Variants in FARP1 observed in about 807,000 individuals in gnomAD.
The protein encoded by FARP1 is FERM, ARHGEF and pleckstrin domain-containing protein 1.
FARP1 carries 52 observed loss-of-function variants against 128.8 expected under a neutral mutation model. The observed-to-expected ratio is 0.40, with a 90% CI of 0.32 to 0.51. The LOEUF (loss-of-function observed/expected upper bound fraction) is 0.51, where lower values mean the gene tolerates loss of function less well. FARP1 is among the 20% of genes least tolerant of loss of function. The probability of loss-of-function intolerance (pLI) is 0.45; values close to 1 mark genes in which losing one functional copy is unlikely to be tolerated. For synonymous variants in FARP1, 580 were observed against 551.8 expected, an observed-to-expected ratio of 1.05 and a Z score of -0.72; for missense variants, 1,333 against 1,367.9, an observed-to-expected ratio of 0.97 and a Z score of 0.40.
At chr13:98,363,471 G>T (rs1888957287) in intron 3 of FARP1, among the ~76,000 whole-genome samples, 1 of 152,194 alleles carries the variant, frequency 6.6e-6, no homozygotes. Flanking sequence ...AGAGCTAGCA[G>T]GGCCCAGCTG....
intron 2 of FARP1, among the ~76,000 whole-genome samples, chr13:98,337,153 G>T (rs1454396543): frequency 6.6e-6 from 1 of 152,106 alleles, no homozygotes; most frequent in African/African-American, 2.4e-5. Context: ...GATCACCTGA[G>T]CTCAGGAGTT....
At position 98,440,130 on chromosome 13, in the gene FARP1, T is replaced by C; in HGVS notation, c.2524T>C (p.Ser842Pro). 6.2e-7 allele frequency: 1 copy of C among 1,613,288 alleles called. No homozygotes were observed. Among genetic ancestry groups the C allele is most frequent in the Non-Finnish European group, 8.5e-7 (1 of 1,179,320 alleles). The change falls in exon 23 of 27, where the codon TCC becomes CCC. Residue 842 changes from serine (S) to proline (P), a missense_variant. Physicochemically the swap from Ser to Pro is moderately conservative, Grantham distance 74. Around this residue, in one of 2 missense-constraint regions of FARP1, gnomAD observed 1,009 missense variants for 969.8 expected, o/e 1.04. Transcript: ENST00000319562. Reference sequence around the variant, plus strand: ...ACGCGTCTCTGTCTCCAGTTCTCGGTCCGAGATGGAGAAGTGGGTTGAGGA... The same window carrying C: ...ACGCGTCTCTGTCTCCAGTTCTCGGCCCGAGATGGAGAAGTGGGTTGAGGA... The part of the protein sequence containing the change: ...QSIIVAASSR[S>P]EMEKWVEDIQ...
rs537577612 is a variant in FARP1 at position 98,267,651 on chromosome 13, A to C, written c.171+54238A>C. 2.6e-5 allele frequency among the ~76,000 whole-genome samples: 4 copies of C among 152,334 alleles called. No individual in the cohort carries two copies. In the East Asian group the frequency reaches 5.8e-4, roughly 22 times the overall value. On this transcript the variant is annotated intron_variant, in intron 2 of 26. Coordinates refer to ENST00000319562, the MANE Select transcript of FARP1 (RefSeq NM_005766.4). ...TGTGCCTCACAGTTCAGAAGCCTTC[A>C]GGCAAGGTCAACAGAAACACGACGG...
intron 1 of FARP1, among the ~76,000 whole-genome samples, chr13:98,187,723 G>A (rs1878970167): frequency 6.6e-6 from 1 of 152,168 alleles, no homozygotes; most frequent in Non-Finnish European, 1.5e-5. Flanking sequence ...TTACCATATG[G>A]AGCTGGAGAC....
At chr13:98,152,207 C>G (rs1876062832) in intron 1 of FARP1, among the ~76,000 whole-genome samples, 1 of 152,158 alleles carries the variant, frequency 6.6e-6, no homozygotes, top group Admixed American at 6.5e-5. Flanking sequence ...GATTTTTGCA[C>G]TTGGGCTTGT....
At chr13:98,244,417 G>A in intron 2 of FARP1, 2 of 1,359,828 alleles carry the variant, frequency 1.5e-6, no homozygotes, top group Non-Finnish European at 2.0e-6. Flanking sequence ...TCTCTTTATT[G>A]TTACTGTTTT....
intron 8 of FARP1, among the ~76,000 whole-genome samples, chr13:98,386,194 T>C (rs649986): frequency 7.1e-5 from 7 of 98,958 alleles, no homozygotes; most frequent in Admixed American, 2.9e-4. Flanking sequence ...ATCCTTTTTT[T>C]TTTTTTTTTT....
chr13:98,343,151 A>G (rs9513400), intron 2 of FARP1, among the ~76,000 whole-genome samples: 25,178 of 152,216 alleles, frequency 0.17, 2,567 homozygotes, highest in Non-Finnish European at 0.24. Context: ...GGGAAAGGCA[A>G]ACTATAGAGA....
At chr13:98,157,415 C>T (rs1876570042) in intron 1 of FARP1, among the ~76,000 whole-genome samples, 1 of 152,074 alleles carries the variant, frequency 6.6e-6, no homozygotes, top group Admixed American at 6.5e-5. Context: ...CCCGGCCTTC[C>T]ACCAAGTCCT....
At chr13:98,205,568 T>C (rs1880219646) in intron 1 of FARP1, among the ~76,000 whole-genome samples, 1 of 152,170 alleles carries the variant, frequency 6.6e-6, no homozygotes, top group Non-Finnish European at 1.5e-5. Context: ...AATTTTTTTG[T>C]ATTTTTAGTA....
At chr13:98,283,130 T>C (rs995514792) in intron 2 of FARP1, among the ~76,000 whole-genome samples, 3 of 152,194 alleles carry the variant, frequency 2.0e-5, no homozygotes, top group Admixed American at 6.5e-5. Flanking sequence ...TTAAAGAGGA[T>C]CATTTTGACT....
At chr13:98,199,394 C>T (rs565275078) in intron 1 of FARP1, among the ~76,000 whole-genome samples, 1 of 152,148 alleles carries the variant, frequency 6.6e-6, no homozygotes, top group Non-Finnish European at 1.5e-5. Flanking sequence ...AAAGACAAAA[C>T]GATATTGTGC....
intron 1 of FARP1, among the ~76,000 whole-genome samples, chr13:98,207,908 C>CCACACACACACACA (rs71111934): frequency 0.014 from 1,010 of 71,582 alleles, 125 homozygotes; most frequent in East Asian, 0.04. Flanking sequence ...ACCACCACCT[C>CCACACACACACACA]CACACACACA....
intron 1 of FARP1, among the ~76,000 whole-genome samples, chr13:98,207,941 C>T (rs1165674232): frequency 1.3e-5 from 2 of 148,372 alleles, no homozygotes; most frequent in Non-Finnish European, 3.0e-5. Context: ...CACACACACA[C>T]ACACACACAC....
Position 98,343,880 on chromosome 13 carries a change from A to T in FARP1, c.276+14A>T. ...AAAAAGATCACGGTAGGTGATGTCA[A>T]CTTAATGTTACTATTTTACTGTCTG... On this transcript the variant is annotated intron_variant, in intron 3 of 26. Coordinates refer to ENST00000319562, the MANE Select transcript of FARP1 (RefSeq NM_005766.4). The T allele has an allele frequency of 6.7e-7, 1 of 1,502,258 alleles. No homozygotes were observed. The highest frequency in any genetic ancestry group is 1.7e-5 in the Admixed American group (1 of 59,868). The allele number at this position is 1,502,258 out of a possible 1,614,324, so 93.1% of individuals were successfully genotyped here. A position where few individuals can be genotyped will look rare whatever the true frequency, so the allele number is the denominator to read the frequency against.
intron 17 of FARP1, among the ~76,000 whole-genome samples, chr13:98,428,290 A>G (rs1891863760): frequency 6.6e-6 from 1 of 152,184 alleles, no homozygotes. Context: ...CAATGCAAAG[A>G]AAGGGCCTTT....
At position 98,260,034 on chromosome 13, in the gene FARP1, C is replaced by A. The variant is rs539146826; in HGVS notation, c.171+46621C>A. ...TCTTTCCTTATTTAACCCACTGGGG[C>A]TCTGGACTATATTAAATGTGTAAAA... On this transcript the variant is annotated intron_variant, in intron 2 of 26. Coordinates refer to ENST00000319562, the MANE Select transcript of FARP1 (RefSeq NM_005766.4). 4.9e-4 allele frequency among the ~76,000 whole-genome samples: 74 copies of A among 152,104 alleles called. 2 individuals carry two copies. The South Asian group carries it at 0.014, about 28-fold the overall frequency.
intron 2 of FARP1, chr13:98,244,858 A>T: frequency 2.1e-6 from 3 of 1,447,840 alleles, no homozygotes; most frequent in Non-Finnish European, 2.7e-6. Flanking sequence ...GTGATCTCAG[A>T]TACGTGAAGC....
intron 24 of FARP1, 95 bp from the exon 25 acceptor site, chr13:98,446,003 C>T (rs1892809702): frequency 1.2e-6 from 1 of 822,710 alleles, no homozygotes; most frequent in Non-Finnish European, 2.0e-6. Flanking sequence ...CACGGACATG[C>T]CCCAGCCCAG....
Sources: gnomAD v4.1 joint callset for allele counts (sites outside exome capture counted in the v4.1 genomes callset) on GRCh38, gnomAD v4.1.1 for gene constraint, gnomAD v4.1.1 regional missense constraint, MANE v1.5 for transcripts, NCBI Gene and HGNC (gene_info 2026-07-23, HGNC 2026-07-21) for gene names.